Variants in PLA2G2F observed in about 807,000 individuals in gnomAD.
PLA2G2F encodes the protein group IIF secretory phospholipase A2.
In PLA2G2F, 17 loss-of-function variants were observed where a neutral mutation model predicts 15.9. That is an observed-to-expected ratio of 1.07 (90% CI 0.73 to 1.60). The LOEUF (loss-of-function observed/expected upper bound fraction) is 1.60, where lower values mean the gene tolerates loss of function less well. Ranked by LOEUF, PLA2G2F falls within the 40% of genes most tolerant of loss-of-function variation. The pLI is 0.00. For missense variants in PLA2G2F, 299 were observed against 278.2 expected, an observed-to-expected ratio of 1.07 and a Z score of -0.53; for synonymous variants, 119 against 106.5, an observed-to-expected ratio of 1.12 and a Z score of -0.72.
At chr1:20,148,121 C>T (rs1166239044) in intron 4 of PLA2G2F, 69 bp from the exon 5 acceptor site, 7 of 1,304,948 alleles carry the variant, frequency 5.4e-6, no homozygotes, top group Non-Finnish European at 5.6e-6. Flanking sequence ...GCTCCCCTTC[C>T]CCAGCAGTAG....
rs1557774781 is a variant in PLA2G2F at position 20,140,039 on chromosome 1, C to T, written c.117-127C>T. On this transcript the variant is annotated intron_variant, in intron 1 of 4. Coordinates refer to ENST00000375102, the MANE Select transcript of PLA2G2F (RefSeq NM_022819.4). ...CAGGTACTGATGACAGCGCTAGGAG[C>T]AGCAACTAGGACATCAAGGGACAGC... 4.1e-6 allele frequency: 4 copies of T among 983,818 alleles called. No individual in the cohort carries two copies. The African/African-American group carries it at 4.9e-5, about 12-fold the overall frequency. The allele number at this position is 983,818 out of a possible 1,614,324, so 60.9% of individuals were successfully genotyped here. A position where few individuals can be genotyped will look rare whatever the true frequency, so the allele number is the denominator to read the frequency against.
intron 4 of PLA2G2F, 57 bp from the exon 5 acceptor site, chr1:20,148,133 C>A: frequency 7.2e-7 from 1 of 1,384,602 alleles, no homozygotes; most frequent in Non-Finnish European, 1.0e-6. Context: ...CAGCAGTAGT[C>A]CTGGGGGAGC....
rs771377829 is a variant in PLA2G2F at position 20,144,984 on chromosome 1, C to T, written c.424+295C>T. Among the ~76,000 whole-genome samples the T allele has an allele frequency of 1.2e-4, 19 of 152,206 alleles. No individual in the cohort carries two copies. The East Asian group carries it at 2.1e-3, about 17-fold the overall frequency. On this transcript the variant is annotated intron_variant, in intron 4 of 4. Transcript: ENST00000375102. ...CCCAGCTGCTGGAGAGGCTGAGATA[C>T]GAGAACCACTTTGAACTTGGGAGGC... is the stretch of plus-strand genomic sequence containing the variant.
intron 2 of PLA2G2F, 26 bp downstream of exon 2, chr1:20,140,244 T>A: frequency 6.2e-7 from 1 of 1,611,124 alleles, no homozygotes; most frequent in Non-Finnish European, 8.5e-7. Flanking sequence ...AGAGGGCTCC[T>A]CCTTCTCTCC....
At chr1:20,141,476 T>G (rs980207811) in intron 2 of PLA2G2F, 1 of 151,872 alleles carries the variant, frequency 6.6e-6, no homozygotes, top group Non-Finnish European at 1.5e-5. Flanking sequence ...TAAAGGAGAG[T>G]GTGAGGTGGG....
chr1:20,144,669 A>G lies in PLA2G2F; in HGVS notation c.404A>G (p.Asn135Ser), dbSNP rs368562026. The G allele has an allele frequency of 4.4e-6, 7 of 1,608,342 alleles. No homozygotes were observed. The East Asian group carries it at 1.6e-4, about 36-fold the overall frequency. ...YVDHYDHTIE[N>S]NTEIVCSDLN... ...GACCACTATGATCACACCATCGAGA[A>G]CAACACTGAGATAGTCTGCAGTGAG... Residue 135 changes from asparagine to serine, a missense_variant, in exon 4 of 5, where the codon AAC becomes AGC. Asn to Ser is a conservative substitution (Grantham distance 46). Transcript: ENST00000375102.
rs963608234 is a variant in PLA2G2F, at chr1:20,149,821, C to T, written c.*1420C>T. ...CACCTTACCTTCCTCCTTACCTGCC[C>T]GAGCCTCAACTCAGGGTCAGCAGCC... is the stretch of plus-strand genomic sequence containing the variant. On this transcript the variant is annotated 3_prime_UTR_variant, in exon 5 of 5. Coordinates refer to ENST00000375102, the MANE Select transcript of PLA2G2F (RefSeq NM_022819.4). The T allele has an allele frequency of 2.0e-5, 3 of 152,588 alleles. No homozygotes were observed. The highest frequency in any genetic ancestry group is 7.2e-5 in the African/African-American group (3 of 41,424). 9.5% of individuals were successfully genotyped at this position (152,588 alleles called of 1,614,324 possible).
chr1:20,139,550 G>A lies in PLA2G2F; in HGVS notation c.116+7G>A. The A allele has an allele frequency of 3.3e-6, 5 of 1,504,464 alleles. No individual in the cohort carries two copies. Among genetic ancestry groups the A allele is most frequent in the Non-Finnish European group, 4.5e-6 (5 of 1,121,974 alleles). The allele number at this position is 1,504,464 out of a possible 1,614,324, so 93.2% of individuals were successfully genotyped here. ...GTCCTTCAAGAACCTCCAGGTAGGT[G>A]CCTGTTGCCCTGAGATGGAATCCTC... On this transcript the variant is annotated splice_region_variant and intron_variant, in intron 1 of 4. Coordinates refer to ENST00000375102, the MANE Select transcript of PLA2G2F (RefSeq NM_022819.4).
chr1:20,148,763 C>T lies in PLA2G2F; in HGVS notation c.*362C>T, dbSNP rs2017668563. On this transcript the variant is annotated 3_prime_UTR_variant, in exon 5 of 5. Transcript: ENST00000375102. ...CCCCGGAGCCTTAGAAAGTCTGAGC[C>T]TTAGAAAGTCTGGGCCTGAGCATCC... 1.2e-5 allele frequency: 3 copies of T among 248,466 alleles called. No individual in the cohort carries two copies. Among genetic ancestry groups the T allele is most frequent in the Non-Finnish European group, 2.3e-5 (3 of 127,794 alleles). The allele number at this position is 248,466 out of a possible 1,614,324, so 15.4% of individuals were successfully genotyped here.
chr1:20,148,475 G>A lies in PLA2G2F; in HGVS notation c.*74G>A. ...ACCAGACGAGGTGCAGGGAGGGTAG[G>A]AGCCAGGCCAGGAGCCTGAGGGTTG... On this transcript the variant is annotated 3_prime_UTR_variant, in exon 5 of 5. Transcript: ENST00000375102. 1 of 1,318,878 alleles carries A rather than the reference G, an allele frequency of 7.6e-7. No individual in the cohort carries two copies. The highest frequency in any genetic ancestry group is 1.3e-5 in the South Asian group (1 of 79,926). 81.7% of individuals were successfully genotyped at this position (1,318,878 alleles called of 1,614,324 possible).
In PLA2G2F at chr1:20,144,527, G is replaced by A. The variant is rs2017544045; in HGVS notation, c.315-53G>A. 2.3e-6 allele frequency: 3 copies of A among 1,285,272 alleles called. No individual in the cohort carries two copies. In the Admixed American group the frequency reaches 5.7e-5, roughly 24 times the overall value. 79.6% of individuals were successfully genotyped at this position (1,285,272 alleles called of 1,614,324 possible). A position where few individuals can be genotyped will look rare whatever the true frequency, so the allele number is the denominator to read the frequency against. The stretch of plus-strand genomic sequence containing the variant: ...GAGATGATCAGAGGTCTCTGCTGGT[G>A]GGAGATGGGCCGGCCCAGCCATGCC... On this transcript the variant is annotated intron_variant, in intron 3 of 4. Coordinates refer to ENST00000375102, the MANE Select transcript of PLA2G2F (RefSeq NM_022819.4).
At chr1:20,140,331 C>T (rs548864066) in intron 2 of PLA2G2F, 113 bp downstream of exon 2, 1 of 1,164,322 alleles carries the variant, frequency 8.6e-7, no homozygotes, top group African/African-American at 1.5e-5. Flanking sequence ...CTTCCTGTCT[C>T]TGGGCTTCTG....
chr1:20,139,628 C>A, intron 1 of PLA2G2F, 85 bp downstream of exon 1: 1 of 1,069,390 alleles, frequency 9.4e-7, no homozygotes, highest in Non-Finnish European at 1.3e-6. Context: ...TCCCTTTCTC[C>A]TAAGAGTCCA....
At position 20,139,354 on chromosome 1, in the gene PLA2G2F, C is replaced by A; in HGVS notation, c.-74C>A. Reference sequence around the variant, plus strand: ...GTGCGAGGCAGCGTGAAGCTGGGGCCTGCTCCCCGCAGCCTCTGGAGCGCA... The same window carrying A: ...GTGCGAGGCAGCGTGAAGCTGGGGCATGCTCCCCGCAGCCTCTGGAGCGCA... On this transcript the variant is annotated 5_prime_UTR_variant, in exon 1 of 5. The change creates a new upstream start codon in the 5' untranslated region. Transcript: ENST00000375102. The A allele has an allele frequency of 1.7e-6, 2 of 1,178,568 alleles. No homozygotes were observed. Among genetic ancestry groups the A allele is most frequent in the Non-Finnish European group, 2.5e-6 (2 of 810,746 alleles). 73.0% of individuals were successfully genotyped at this position (1,178,568 alleles called of 1,614,324 possible). A position where few individuals can be genotyped will look rare whatever the true frequency, so the allele number is the denominator to read the frequency against.
chr1:20,143,154 G>C (rs2017510186), intron 2 of PLA2G2F: 1 of 324,276 alleles, frequency 3.1e-6, no homozygotes, highest in Non-Finnish European at 5.7e-6. Context: ...GCACATGGAA[G>C]GGGCTTGGGA....
chr1:20,148,524 C>G lies in PLA2G2F; in HGVS notation c.*123C>G, dbSNP rs554017468. ...TGCTGGTTGCCTCCTCCCTGGAGCT[C>G]TCCAGTGAGGGCTCAGCTCTCAGAG... On this transcript the variant is annotated 3_prime_UTR_variant, in exon 5 of 5. Transcript: ENST00000375102. 1 of 762,318 alleles carries G rather than the reference C, an allele frequency of 1.3e-6. No individual in the cohort carries two copies. Among genetic ancestry groups the G allele is most frequent in the African/African-American group, 1.7e-5 (1 of 57,416 alleles). 47.2% of individuals were successfully genotyped at this position (762,318 alleles called of 1,614,324 possible). A position where few individuals can be genotyped will look rare whatever the true frequency, so the allele number is the denominator to read the frequency against.
chr1:20,146,985 G>A (rs1316891134), intron 4 of PLA2G2F, among the ~76,000 whole-genome samples: 1 of 152,182 alleles, frequency 6.6e-6, no homozygotes, highest in Non-Finnish European at 1.5e-5. Context: ...AGGTTCAGCT[G>A]GTACTTTAGT....
chr1:20,142,799 ATCAGGGTGGGGAC>A (rs901694836), intron 2 of PLA2G2F: 3 of 152,304 alleles, frequency 2.0e-5, no homozygotes, highest in African/African-American at 7.2e-5. Flanking sequence ...CAGGCCCGGG[ATCAGGGTGGGGAC>A]TCTGAGGCCC....
chr1:20,146,039 T>C (rs1453989529), intron 4 of PLA2G2F, among the ~76,000 whole-genome samples: 1 of 152,220 alleles, frequency 6.6e-6, no homozygotes, highest in African/African-American at 2.4e-5. Flanking sequence ...GTCCTGGAAT[T>C]GGCATCCCAA....
Sources: gnomAD v4.1 joint callset for allele counts (sites outside exome capture counted in the v4.1 genomes callset) on GRCh38, gnomAD v4.1.1 for gene constraint, MANE v1.5 for transcripts, NCBI Gene and HGNC (gene_info 2026-07-23, HGNC 2026-07-21) for gene names.